The following PCDH15 variants were observed in gnomAD, a reference collection of about 807,000 sequenced individuals.
PCDH15 encodes the protein protocadherin related 15, also known as protocadherin-15.
Under a neutral mutation model 178.5 loss-of-function variants are expected in PCDH15, and 129 were observed. The observed-to-expected ratio is 0.72, with a 90% CI of 0.63 to 0.84. The LOEUF is 0.84. Among genes scored for constraint, PCDH15 ranks in the 40% least tolerant of loss-of-function variants. The pLI, the probability that PCDH15 is intolerant of heterozygous loss-of-function variation, is 0.00. For missense variants in PCDH15, 2,230 were observed against 2,099.9 expected (o/e 1.06, Z -1.21); for synonymous variants, 800 against 732.0 (o/e 1.09, Z -1.50).
intron 10 of PCDH15, among the ~76,000 whole-genome samples, chr10:54,196,193 AGTGCAGTGGAGTGAACTCGG>A (rs930489216): frequency 3.3e-5 from 5 of 151,968 alleles, no homozygotes; most frequent in African/African-American, 1.2e-4. Flanking sequence ...CCCAGGCTGG[AGTGCAGTGGAGTGAACTCGG>A]CTCACTGCCA....
intron 2 of PCDH15, among the ~76,000 whole-genome samples, chr10:55,034,026 C>A (rs1462865901): frequency 1.3e-5 from 2 of 150,664 alleles, no homozygotes; most frequent in Non-Finnish European, 3.0e-5. Context: ...ACCAGACAAA[C>A]AAACCTGTCA....
chr10:54,083,799 A>T (rs61858410), intron 16 of PCDH15, among the ~76,000 whole-genome samples: 7 of 152,058 alleles, frequency 4.6e-5, no homozygotes, highest in Admixed American at 3.3e-4. Flanking sequence ...TGCCTCAATT[A>T]TATAAATTAT....
chr10:54,853,310 T>TATATACACATATACAC (rs1554806789), intron 3 of PCDH15, among the ~76,000 whole-genome samples: 1 of 99,164 alleles, frequency 1.0e-5, no homozygotes. Flanking sequence ...TATATATATA[T>TATATACACATATACAC]ATATATATAC....
chr10:54,064,061 C>G (rs1349300475), intron 18 of PCDH15, among the ~76,000 whole-genome samples: 1 of 152,146 alleles, frequency 6.6e-6, no homozygotes, highest in Non-Finnish European at 1.5e-5. Context: ...GAATGAGGTA[C>G]GCGCACAGCT....
At chr10:54,757,075 A>C (rs1947236062) in intron 1 of PCDH15, among the ~76,000 whole-genome samples, 1 of 152,168 alleles carries the variant, frequency 6.6e-6, no homozygotes, top group Non-Finnish European at 1.5e-5. Flanking sequence ...ATGAGATATA[A>C]AGGAGAAATA....
intron 2 of PCDH15, among the ~76,000 whole-genome samples, chr10:55,137,890 TG>T (rs1838243407): frequency 6.6e-6 from 1 of 152,116 alleles, no homozygotes; most frequent in African/African-American, 2.4e-5. Context: ...CCAAAGCTAC[TG>T]GGGGCAGGAG....
intron 8 of PCDH15, among the ~76,000 whole-genome samples, chr10:54,254,775 A>G (rs7917091): frequency 0.69 from 104,274 of 152,102 alleles, 36,720 homozygotes; most frequent in Middle Eastern, 0.76. Flanking sequence ...GGTACTGTTG[A>G]TAACTCTGGA....
intron 3 of PCDH15, among the ~76,000 whole-genome samples, chr10:54,516,008 A>T (rs1011560331): frequency 6.6e-6 from 1 of 152,204 alleles, no homozygotes; most frequent in Non-Finnish European, 1.5e-5. Context: ...CATCACCATC[A>T]TCAAAGACCA....
At chr10:55,337,065 G>A (rs1252629990) in intron 2 of PCDH15, among the ~76,000 whole-genome samples, 1 of 152,128 alleles carries the variant, frequency 6.6e-6, no homozygotes, top group Non-Finnish European at 1.5e-5. Context: ...GTGCATAATT[G>A]TTTCCAGTTG....
chr10:54,417,144 T>C (rs9416328), intron 3 of PCDH15, among the ~76,000 whole-genome samples: 31,236 of 151,918 alleles, frequency 0.21, 3,982 homozygotes, highest in African/African-American at 0.36. Context: ...CGCACCTTAG[T>C]CTCCCAAGGT....
chr10:55,214,455 A>T (rs1007221177), intron 1 of PCDH15, among the ~76,000 whole-genome samples: 3 of 150,978 alleles, frequency 2.0e-5, no homozygotes, highest in African/African-American at 4.9e-5. Flanking sequence ...ACAAGTTTAA[A>T]TTTTTTTTTG....
At chr10:54,802,305 C>A (rs940343533), upstream of PCDH15, among the ~76,000 whole-genome samples, 2 of 152,180 alleles carry the variant, frequency 1.3e-5, no homozygotes, top group African/African-American at 2.4e-5. Flanking sequence ...ACTTATCTTG[C>A]AGGCTCAGTT....
At chr10:55,161,418 CCCA>C (rs1350972191) in intron 2 of PCDH15, among the ~76,000 whole-genome samples, 4 of 152,034 alleles carry the variant, frequency 2.6e-5, no homozygotes, top group African/African-American at 9.7e-5. Context: ...CCAAATCCAG[CCCA>C]GTGGGCTGAT....
intron 26 of PCDH15, among the ~76,000 whole-genome samples, chr10:53,869,556 TAACA>T (rs994214071): frequency 1.2e-4 from 19 of 152,156 alleles, no homozygotes; most frequent in Admixed American, 4.6e-4. Context: ...TATAAAGGAA[TAACA>T]AACATGCAAA....
intron 2 of PCDH15, among the ~76,000 whole-genome samples, chr10:55,133,654 T>C (rs1591929088): frequency 6.6e-6 from 1 of 152,156 alleles, no homozygotes; most frequent in African/African-American, 2.4e-5. Flanking sequence ...ACAATCAATA[T>C]TGTCAAAATA....
At chr10:54,865,680 G>T (rs892649893) in intron 3 of PCDH15, among the ~76,000 whole-genome samples, 1 of 152,022 alleles carries the variant, frequency 6.6e-6, no homozygotes, top group Non-Finnish European at 1.5e-5. Context: ...ATCACAATGT[G>T]ATCATTTAGA....
chr10:53,921,783 T>G (rs1179423113), intron 25 of PCDH15, among the ~76,000 whole-genome samples: 1 of 152,194 alleles, frequency 6.6e-6, no homozygotes, highest in Non-Finnish European at 1.5e-5. Flanking sequence ...TATGATTCCT[T>G]TAGTATAAGC....
intron 2 of PCDH15, among the ~76,000 whole-genome samples, chr10:54,917,964 C>T (rs1011734255): frequency 3.3e-5 from 5 of 150,014 alleles, no homozygotes; most frequent in African/African-American, 1.2e-4. Flanking sequence ...TTTTTGTAAA[C>T]TGATATTTAA....
At chr10:54,544,944 T>A (rs1361727963) in intron 2 of PCDH15, among the ~76,000 whole-genome samples, 1 of 152,120 alleles carries the variant, frequency 6.6e-6, no homozygotes, top group African/African-American at 2.4e-5. Context: ...AGGTTGGGAT[T>A]TTCAAAATTT....
Sources: allele counts gnomAD v4.1 joint callset (sites outside exome capture counted in the v4.1 genomes callset), GRCh38; gene constraint gnomAD v4.1.1; transcripts MANE v1.5; gene names NCBI Gene and HGNC (gene_info 2026-07-23, HGNC 2026-07-21).